GTF2F2: variants seen among roughly 807,000 people sequenced by gnomAD.
GTF2F2 encodes general transcription factor IIF subunit 2, also known as ATP-dependent helicase GTF2F2.
GTF2F2 carries 23 observed loss-of-function variants against 42.2 expected under a neutral mutation model. The ratio of observed to expected loss-of-function variants is 0.55; its 90% CI spans 0.39 to 0.77. GTF2F2 has a LOEUF of 0.77. GTF2F2 is among the 30% of genes least tolerant of loss of function. GTF2F2 has a pLI of 0.00. For synonymous variants in GTF2F2, 105 were observed against 100.8 expected (o/e 1.04, Z -0.25); for missense variants, 261 against 287.2 (o/e 0.91, Z 0.66).
At chr13:45,140,329 A>G (rs888403214) in intron 2 of GTF2F2, among the ~76,000 whole-genome samples, 23 of 152,272 alleles carry the variant, frequency 1.5e-4, no homozygotes, top group African/African-American at 5.5e-4. Context: ...GCCAACTGTA[A>G]TATCTCGTTT....
intron 2 of GTF2F2, among the ~76,000 whole-genome samples, chr13:45,145,339 C>T (rs990145444): frequency 6.6e-6 from 1 of 152,116 alleles, no homozygotes; most frequent in African/African-American, 2.4e-5. Flanking sequence ...ATGTTTTAGA[C>T]TCATCTTATA....
chr13:45,284,275 A>T lies in GTF2F2; in HGVS notation c.*714A>T, dbSNP rs755322264. On this transcript the variant is annotated 3_prime_UTR_variant, in exon 8 of 8. Coordinates refer to ENST00000340473, the MANE Select transcript of GTF2F2 (RefSeq NM_004128.3). ...CCCAGTCAGATTATAAGCTTCTCAA[A>T]ACTGGCTTGCCCCCAGAATTTTACT... 1.3e-5 allele frequency: 2 copies of T among 152,200 alleles called. No individual in the cohort carries two copies. Among genetic ancestry groups the T allele is most frequent in the Non-Finnish European group, 2.9e-5 (2 of 68,040 alleles). 9.4% of individuals were successfully genotyped at this position (152,200 alleles called of 1,614,324 possible).
At chr13:45,168,906 T>TCCCTCCTTCCTTCCCTCCCTCCCTC (rs145117805) in intron 4 of GTF2F2, among the ~76,000 whole-genome samples, 1 of 87,262 alleles carries the variant, frequency 1.1e-5, no homozygotes, top group Non-Finnish European at 2.2e-5. Flanking sequence ...CCTCCCTCCC[T>TCCCTCCTTCCTTCCCTCCCTCCCTC]CCTCCTTCCT....
intron 4 of GTF2F2, among the ~76,000 whole-genome samples, chr13:45,200,192 C>CTA (rs1205665888): frequency 9.2e-5 from 14 of 151,784 alleles, no homozygotes; most frequent in Non-Finnish European, 1.9e-4. Context: ...CCCTCCGTAT[C>CTA]ACAAGAAAGT....
Position 45,191,222 on chromosome 13 carries a change from AAAATATATATAT to A in GTF2F2, c.305-16200_305-16189del, listed in dbSNP as rs1440276913. 4.9e-4 allele frequency among the ~76,000 whole-genome samples: 34 copies of A among 69,964 alleles called. 2 individuals are homozygous for A. The East Asian group carries it at 5.1e-3, about 11-fold the overall frequency. The allele number at this position is 69,964 out of a possible 152,430, so 45.9% of individuals were successfully genotyped here. On this transcript the variant is annotated intron_variant, in intron 4 of 7. Coordinates refer to ENST00000340473, the MANE Select transcript of GTF2F2 (RefSeq NM_004128.3). ...CCGTCTCTACTAAAAATACAAAAAA[AAAATATATATAT>A]ATATATATATATATATATATAGCCA... is the stretch of plus-strand genomic sequence containing the variant.
intron 4 of GTF2F2, among the ~76,000 whole-genome samples, chr13:45,159,172 G>C (rs114891946): frequency 0.017 from 2,605 of 152,262 alleles, 74 homozygotes; most frequent in African/African-American, 0.06. Flanking sequence ...CTGATGGTAG[G>C]TATTTACTTT....
At chr13:45,228,829 C>G (rs764786452) in intron 5 of GTF2F2, among the ~76,000 whole-genome samples, 13 of 152,070 alleles carry the variant, frequency 8.5e-5, no homozygotes, top group Non-Finnish European at 1.3e-4. Flanking sequence ...CGCCACCACG[C>G]CCAGCTAATT....
intron 5 of GTF2F2, among the ~76,000 whole-genome samples, chr13:45,217,316 A>G (rs2138200935): frequency 6.8e-6 from 1 of 147,758 alleles, no homozygotes; most frequent in South Asian, 2.1e-4. Flanking sequence ...AAAAAAAAAA[A>G]GATTCAGCTC....
chr13:45,233,570 A>G (rs1194012694), intron 5 of GTF2F2, among the ~76,000 whole-genome samples: 1 of 152,236 alleles, frequency 6.6e-6, no homozygotes, highest in Non-Finnish European at 1.5e-5. Context: ...CAACACTGTG[A>G]ATGAACTTTT....
chr13:45,157,693 C>T (rs1241074902), intron 4 of GTF2F2, among the ~76,000 whole-genome samples: 2 of 152,122 alleles, frequency 1.3e-5, no homozygotes, highest in Non-Finnish European at 2.9e-5. Flanking sequence ...CCACCTCAGC[C>T]TCTCGAGTAG....
chr13:45,230,457 G>A, intron 5 of GTF2F2, among the ~76,000 whole-genome samples: 1 of 152,112 alleles, frequency 6.6e-6, no homozygotes, highest in East Asian at 1.9e-4. Context: ...AATATGGGAG[G>A]ATACATTGAG....
chr13:45,213,902 A>G (rs1379727247), intron 5 of GTF2F2, among the ~76,000 whole-genome samples: 3 of 152,210 alleles, frequency 2.0e-5, no homozygotes, highest in African/African-American at 4.8e-5. Context: ...TGATTTCAAA[A>G]TAAATATAAA....
At chr13:45,241,184 A>AATATATATATATATATATATAT (rs71697631) in intron 5 of GTF2F2, among the ~76,000 whole-genome samples, 1 of 143,886 alleles carries the variant, frequency 6.9e-6, no homozygotes, top group African/African-American at 2.5e-5. Flanking sequence ...ATAAATATAA[A>AATATATATATATATATATATAT]ATATATATAT....
At chr13:45,130,675 A>G (rs1869298686) in intron 1 of GTF2F2, among the ~76,000 whole-genome samples, 1 of 152,210 alleles carries the variant, frequency 6.6e-6, no homozygotes. Context: ...AAAAATATTC[A>G]GGATGACTCC....
intron 5 of GTF2F2, among the ~76,000 whole-genome samples, chr13:45,246,504 A>T (rs1875626146): frequency 6.6e-6 from 1 of 152,118 alleles, no homozygotes; most frequent in Non-Finnish European, 1.5e-5. Flanking sequence ...ACCCTGTTCC[A>T]AGTGAATATT....
chr13:45,249,311 T>G (rs1269104082), intron 5 of GTF2F2, among the ~76,000 whole-genome samples: 1 of 152,196 alleles, frequency 6.6e-6, no homozygotes, highest in Non-Finnish European at 1.5e-5. Context: ...CCTCTTTTAA[T>G]TAAAACCCTT....
At chr13:45,267,102 T>A in intron 6 of GTF2F2, 131 bp from the exon 7 acceptor site, 1 of 647,626 alleles carries the variant, frequency 1.5e-6, no homozygotes, top group Non-Finnish European at 2.6e-6. Context: ...TGAGCTGAGA[T>A]CATGCCACTG....
At chr13:45,190,908 G>A (rs1048026323) in intron 4 of GTF2F2, among the ~76,000 whole-genome samples, 26 of 148,020 alleles carry the variant, frequency 1.8e-4, no homozygotes, top group East Asian at 5.9e-4. Flanking sequence ...ATGCCACCAC[G>A]TGTGGCAAAT....
At chr13:45,167,733 G>T (rs1306490305) in intron 4 of GTF2F2, among the ~76,000 whole-genome samples, 1 of 151,940 alleles carries the variant, frequency 6.6e-6, no homozygotes, top group African/African-American at 2.4e-5. Context: ...GTAGCAATAG[G>T]CTTTCACCAT....
Sources: allele counts gnomAD v4.1 joint callset (sites outside exome capture counted in the v4.1 genomes callset), GRCh38; gene constraint gnomAD v4.1.1; transcripts MANE v1.5; gene names NCBI Gene and HGNC (gene_info 2026-07-23, HGNC 2026-07-21).